Variants in TBC1D32 observed in about 807,000 individuals in gnomAD.
TBC1D32 encodes the protein TBC1 domain family member 32.
TBC1D32 carries 151 observed loss-of-function variants against 170.3 expected under a neutral mutation model. That is an observed-to-expected ratio of 0.89 (90% confidence interval 0.78 to 1.01). The LOEUF is 1.01. Ranked by LOEUF, TBC1D32 falls within the 50% of genes least tolerant of loss-of-function variation. The pLI is 0.00. For synonymous variants in TBC1D32, 498 were observed against 488.0 expected, an observed-to-expected ratio of 1.02 and a Z score of -0.27; for missense variants, 1,464 against 1,457.1, an observed-to-expected ratio of 1.00 and a Z score of -0.08.
At chr6:121,253,902 AAAG>A (rs1798626396) in intron 17 of TBC1D32, among the ~76,000 whole-genome samples, 1 of 152,140 alleles carries the variant, frequency 6.6e-6, no homozygotes, top group African/African-American at 2.4e-5. Context: ...ACTCAAAGGA[AAAG>A]AAGACATTAT....
intron 25 of TBC1D32, among the ~76,000 whole-genome samples, chr6:121,128,983 T>C (rs536659794): frequency 7.2e-5 from 11 of 152,158 alleles, no homozygotes; most frequent in Non-Finnish European, 1.3e-4. Context: ...TCCTTCCCTG[T>C]ATTTCACCAT....
At chr6:121,131,470 G>A (rs1781431369) in intron 25 of TBC1D32, among the ~76,000 whole-genome samples, 157 bp downstream of exon 25, 1 of 151,672 alleles carries the variant, frequency 6.6e-6, no homozygotes, top group Admixed American at 6.6e-5. Context: ...ATTTTAATTT[G>A]TGTTCTCTCA....
intron 15 of TBC1D32, among the ~76,000 whole-genome samples, chr6:121,274,318 G>T (rs1801936973): frequency 6.6e-6 from 1 of 151,308 alleles, no homozygotes; most frequent in Non-Finnish European, 1.5e-5. Context: ...GGGCGACAGA[G>T]TCATGAGACT....
At chr6:121,125,035 C>A (rs1174329444) in intron 26 of TBC1D32, among the ~76,000 whole-genome samples, 2 of 152,176 alleles carry the variant, frequency 1.3e-5, no homozygotes, top group African/African-American at 4.8e-5. Flanking sequence ...TTCGGCATCT[C>A]ATTTTGTCCA....
chr6:121,083,886 G>T (rs1008590031), intron 31 of TBC1D32, among the ~76,000 whole-genome samples: 1 of 152,008 alleles, frequency 6.6e-6, no homozygotes, highest in Non-Finnish European at 1.5e-5. Context: ...ATAGATTAGG[G>T]TATCTTATAT....
intron 22 of TBC1D32, among the ~76,000 whole-genome samples, chr6:121,176,245 C>G (rs964305635): frequency 1.3e-5 from 2 of 152,092 alleles, no homozygotes; most frequent in African/African-American, 4.8e-5. Context: ...TGATAACCTT[C>G]TTAGGAAAGA....
chr6:121,276,823 A>G (rs1802286297), intron 15 of TBC1D32, among the ~76,000 whole-genome samples: 1 of 152,214 alleles, frequency 6.6e-6, no homozygotes, highest in Non-Finnish European at 1.5e-5. Context: ...GGAACATTAA[A>G]TAACAATAAA....
intron 20 of TBC1D32, among the ~76,000 whole-genome samples, chr6:121,226,147 G>A (rs1795031646): frequency 6.6e-6 from 1 of 152,084 alleles, no homozygotes; most frequent in Non-Finnish European, 1.5e-5. Flanking sequence ...ATATTGTAGT[G>A]CCAGCTGCTT....
intron 31 of TBC1D32, among the ~76,000 whole-genome samples, chr6:121,082,641 A>C (rs1473750243): frequency 6.6e-6 from 1 of 152,026 alleles, no homozygotes; most frequent in Admixed American, 6.6e-5. Flanking sequence ...AAGCTCTAAT[A>C]ATTCATTTCT....
intron 12 of TBC1D32, among the ~76,000 whole-genome samples, chr6:121,288,102 C>T (rs1804179833): frequency 6.6e-6 from 1 of 151,982 alleles, no homozygotes; most frequent in Non-Finnish European, 1.5e-5. Context: ...ACTAGAGAAG[C>T]AAGAGCAAAC....
chr6:121,106,808 G>T (rs550382290), intron 29 of TBC1D32, among the ~76,000 whole-genome samples: 7 of 151,776 alleles, frequency 4.6e-5, no homozygotes, highest in Non-Finnish European at 8.8e-5. Context: ...ATTTTATATT[G>T]ATAGTTACTT....
chr6:121,202,590 T>C (rs9490136), intron 22 of TBC1D32, among the ~76,000 whole-genome samples: 24,397 of 151,084 alleles, frequency 0.16, 4,341 homozygotes, highest in African/African-American at 0.41. Flanking sequence ...TTTTGCTATA[T>C]AGATCAGTGG....
chr6:121,274,350 AAAC>A (rs1276181190), intron 15 of TBC1D32, among the ~76,000 whole-genome samples: 4 of 150,626 alleles, frequency 2.7e-5, no homozygotes, highest in Non-Finnish European at 5.9e-5. Context: ...ACAAACAAAC[AAAC>A]AACAACAAAA....
intron 22 of TBC1D32, among the ~76,000 whole-genome samples, chr6:121,192,182 G>A (rs1032220252): frequency 6.6e-6 from 1 of 151,444 alleles, no homozygotes; most frequent in African/African-American, 2.4e-5. Flanking sequence ...TCTTTCATTG[G>A]TTTTGGGGTT....
At chr6:121,243,772 A>G (rs1797275014) in intron 17 of TBC1D32, among the ~76,000 whole-genome samples, 1 of 152,026 alleles carries the variant, frequency 6.6e-6, no homozygotes, top group Admixed American at 6.6e-5. Context: ...ACAAAATAAA[A>G]TAGTAAAAAC....
chr6:121,138,680 G>A (rs1038840663), intron 24 of TBC1D32, among the ~76,000 whole-genome samples: 1 of 152,006 alleles, frequency 6.6e-6, no homozygotes, highest in Non-Finnish European at 1.5e-5. Flanking sequence ...ATGAGAAAAT[G>A]CCTGACTTGA....
chr6:121,090,389 C>T (rs1336675595), intron 31 of TBC1D32, among the ~76,000 whole-genome samples: 1 of 152,002 alleles, frequency 6.6e-6, no homozygotes, highest in Non-Finnish European at 1.5e-5. Flanking sequence ...AAAAATAGCA[C>T]CACATTTGGT....
At chr6:121,161,831 C>A (rs1167930158) in intron 22 of TBC1D32, among the ~76,000 whole-genome samples, 1 of 152,188 alleles carries the variant, frequency 6.6e-6, no homozygotes, top group Non-Finnish European at 1.5e-5. Flanking sequence ...TCTCCACAAC[C>A]ATGCCAGCAT....
At chr6:121,300,390 T>C (rs544822599) in intron 9 of TBC1D32, among the ~76,000 whole-genome samples, 1 of 151,970 alleles carries the variant, frequency 6.6e-6, no homozygotes, top group African/African-American at 2.4e-5. Flanking sequence ...GATGTTGCAG[T>C]GAACCGAGAT....
Sources: allele counts gnomAD v4.1 joint callset (sites outside exome capture counted in the v4.1 genomes callset), GRCh38; gene constraint gnomAD v4.1.1; transcripts MANE v1.5; gene names NCBI Gene and HGNC (gene_info 2026-07-23, HGNC 2026-07-21).